Variants in SLIT3 observed in about 807,000 individuals in gnomAD.
SLIT3 encodes slit guidance ligand 3, also known as slit homolog 3 protein.
Under a neutral mutation model 184.0 loss-of-function variants are expected in SLIT3, and 68 were observed. The observed-to-expected ratio is 0.37, with a 90% confidence interval of 0.30 to 0.45. The LOEUF is 0.45. Among genes scored for constraint, SLIT3 ranks in the 20% least tolerant of loss-of-function variants. The pLI is 1.00. For synonymous variants in SLIT3, 831 were observed against 828.6 expected, an observed-to-expected ratio of 1.00 and a Z score of -0.05; for missense variants, 1,707 against 2,026.0, an observed-to-expected ratio of 0.84 and a Z score of 3.02.
intron 3 of SLIT3, among the ~76,000 whole-genome samples, chr5:169,207,075 G>C (rs1489841073): frequency 6.6e-5 from 10 of 150,662 alleles, no homozygotes; most frequent in Non-Finnish European, 1.5e-5. Context: ...TTTCCAGCAC[G>C]GGAAGGATTT....
intron 20 of SLIT3, among the ~76,000 whole-genome samples, chr5:168,727,551 C>T (rs1763169883): frequency 6.6e-6 from 1 of 152,080 alleles, no homozygotes; most frequent in African/African-American, 2.4e-5. Context: ...CAGGGTAGAT[C>T]ACGCTGAGGC....
chr5:168,703,748 T>C (rs1293831223), intron 26 of SLIT3, among the ~76,000 whole-genome samples: 1 of 151,690 alleles, frequency 6.6e-6, no homozygotes, highest in African/African-American at 2.4e-5. Context: ...GGTCAAGAGA[T>C]TGAGAACATC....
intron 6 of SLIT3, among the ~76,000 whole-genome samples, chr5:168,829,842 C>G (rs1264708379): frequency 1.3e-5 from 2 of 152,226 alleles, no homozygotes; most frequent in Non-Finnish European, 2.9e-5. Context: ...CAGAGGGGTT[C>G]TGGCAGTGTG....
At chr5:168,749,097 C>T (rs1754605739) in intron 19 of SLIT3, among the ~76,000 whole-genome samples, 1 of 152,172 alleles carries the variant, frequency 6.6e-6, no homozygotes, top group African/African-American at 2.4e-5. Flanking sequence ...GTGCACTCCA[C>T]AAGGGTGCCA....
chr5:169,011,784 T>A (rs1756164961), intron 4 of SLIT3, among the ~76,000 whole-genome samples: 1 of 152,236 alleles, frequency 6.6e-6, no homozygotes, highest in Admixed American at 6.5e-5. Flanking sequence ...GTTTTTGCTA[T>A]TACAAAAGCT....
rs373917626 is a variant in SLIT3, at chr5:169,133,833, A to T, written c.413+59646T>A. Among the ~76,000 whole-genome samples, 12 of 152,364 alleles carry T rather than the reference A, an allele frequency of 7.9e-5. No homozygotes were observed. In the East Asian group the frequency reaches 1.4e-3, roughly 17 times the overall value. ...AGGGAGGAAGAAAATCTACCCTCACATACTTTCCCATAATTAAACGTCAGA... is the reference window on the plus strand; with the variant it reads ...AGGGAGGAAGAAAATCTACCCTCACTTACTTTCCCATAATTAAACGTCAGA... On this transcript the variant is annotated intron_variant, in intron 4 of 35. Transcript: ENST00000519560.
intron 5 of SLIT3, among the ~76,000 whole-genome samples, chr5:168,858,669 C>T (rs2113743312): frequency 6.6e-6 from 1 of 152,380 alleles, no homozygotes; most frequent in East Asian, 1.9e-4. Flanking sequence ...GGAAGCCTGT[C>T]CCTGATGGAT....
chr5:168,922,375 T>A (rs1761664683), intron 4 of SLIT3, among the ~76,000 whole-genome samples: 1 of 147,936 alleles, frequency 6.8e-6, no homozygotes, highest in South Asian at 2.1e-4. Flanking sequence ...GAGAATGGCG[T>A]TAACCCAGGA....
At chr5:168,922,946 T>C (rs1000860008) in intron 4 of SLIT3, among the ~76,000 whole-genome samples, 1 of 152,176 alleles carries the variant, frequency 6.6e-6, no homozygotes, top group African/African-American at 2.4e-5. Context: ...CCTGAACATA[T>C]GTAGCGAAAG....
chr5:169,032,922 A>ATTTTTTTTTTT (rs199911562), intron 4 of SLIT3, among the ~76,000 whole-genome samples: 2 of 88,130 alleles, frequency 2.3e-5, no homozygotes, highest in Non-Finnish European at 2.4e-5. Context: ...TTTTTCCTTG[A>ATTTTTTTTTTT]TTTTTTTTTT....
In SLIT3 at chr5:169,034,003, G is replaced by A. The variant is rs183630385; in HGVS notation, c.414-150667C>T. ...AATTTTTTGTATTTTTAGTAGAGAC[G>A]GGTTTTCACCATGTTGGCCAGGATG... On this transcript the variant is annotated intron_variant, in intron 4 of 35. Transcript: ENST00000519560. Among the ~76,000 whole-genome samples, 964 of 151,906 alleles carry A rather than the reference G, an allele frequency of 6.3e-3. 12 individuals carry two copies. The highest frequency in any genetic ancestry group is 0.022 in the African/African-American group (910 of 41,416).
chr5:168,803,659 GC>G (rs1486871997), intron 9 of SLIT3, among the ~76,000 whole-genome samples: 3 of 152,190 alleles, frequency 2.0e-5, no homozygotes, highest in Non-Finnish European at 4.4e-5. Flanking sequence ...CTACAGCCTG[GC>G]TACCTGGACT....
At chr5:168,933,867 G>C (rs1762072653) in intron 4 of SLIT3, among the ~76,000 whole-genome samples, 1 of 152,158 alleles carries the variant, frequency 6.6e-6, no homozygotes, top group Admixed American at 6.5e-5. Flanking sequence ...TTTAAGAGGA[G>C]GAGCCTGGCT....
At chr5:169,276,234 C>T (rs1418376404) in intron 1 of SLIT3, among the ~76,000 whole-genome samples, 1 of 152,150 alleles carries the variant, frequency 6.6e-6, no homozygotes. Context: ...TCCTTAAAGG[C>T]CAAATTGTGG....
At chr5:168,963,473 C>T (rs1301345463) in intron 4 of SLIT3, among the ~76,000 whole-genome samples, 1 of 152,228 alleles carries the variant, frequency 6.6e-6, no homozygotes, top group African/African-American at 2.4e-5. Flanking sequence ...TGCCTAACCT[C>T]ATGCTCATTT....
intron 4 of SLIT3, among the ~76,000 whole-genome samples, chr5:169,189,539 T>G (rs1763474656): frequency 4.1e-5 from 1 of 24,204 alleles, no homozygotes; most frequent in African/African-American, 1.2e-4. Context: ...TATATATATA[T>G]ATATATATAT....
chr5:169,082,491 A>G (rs1759107707), intron 4 of SLIT3, among the ~76,000 whole-genome samples: 1 of 152,190 alleles, frequency 6.6e-6, no homozygotes, highest in Non-Finnish European at 1.5e-5. Context: ...AAACTCCTCA[A>G]GGGTTGGATG....
chr5:168,711,173 A>G (rs1038830242), intron 24 of SLIT3, 115 bp from the exon 25 acceptor site: 7 of 910,744 alleles, frequency 7.7e-6, no homozygotes, highest in South Asian at 2.1e-5. Flanking sequence ...GGTATCCAAT[A>G]TGGGGCCAGC....
At chr5:169,153,087 G>A (rs1244260613) in intron 4 of SLIT3, among the ~76,000 whole-genome samples, 2 of 152,184 alleles carry the variant, frequency 1.3e-5, no homozygotes, top group Non-Finnish European at 2.9e-5. Flanking sequence ...ATTTCCCATA[G>A]TGTGTGTCTG....
Sources: allele counts gnomAD v4.1 joint callset (sites outside exome capture counted in the v4.1 genomes callset), GRCh38; gene constraint gnomAD v4.1.1; transcripts MANE v1.5; gene names NCBI Gene and HGNC (gene_info 2026-07-23, HGNC 2026-07-21).